The following LUZP2 variants were observed in gnomAD, a reference collection of about 807,000 sequenced individuals.
The protein encoded by LUZP2 is leucine zipper protein 2.
LUZP2 carries 52 observed loss-of-function variants against 51.6 expected under a neutral mutation model. The observed-to-expected ratio is 1.01, with a 90% CI of 0.81 to 1.27. The LOEUF is 1.27. LUZP2 is among the 50% of genes most tolerant of loss of function. LUZP2 has a pLI of 0.00. For missense variants in LUZP2, 436 were observed against 395.4 expected (o/e 1.10, Z -0.87); for synonymous variants, 154 against 137.3 (o/e 1.12, Z -0.85).
intron 9 of LUZP2, among the ~76,000 whole-genome samples, chr11:25,037,979 A>G (rs1169384932): frequency 2.6e-5 from 4 of 152,058 alleles, no homozygotes; most frequent in Middle Eastern, 3.2e-3. Context: ...GAGGTTCTCT[A>G]TATTACTTGG....
intron 5 of LUZP2, among the ~76,000 whole-genome samples, chr11:24,812,953 G>A (rs1850062909): frequency 6.6e-6 from 1 of 152,254 alleles, no homozygotes; most frequent in Non-Finnish European, 1.5e-5. Flanking sequence ...GCCCTGGTTT[G>A]TGGTGCACTT....
At chr11:24,817,557 CAT>C (rs1438153193) in intron 5 of LUZP2, among the ~76,000 whole-genome samples, 6 of 152,000 alleles carry the variant, frequency 3.9e-5, no homozygotes, top group Non-Finnish European at 5.9e-5. Context: ...TCAACGCCCA[CAT>C]ATTTTCCAAA....
At chr11:25,065,555 G>A (rs1858974173) in intron 10 of LUZP2, among the ~76,000 whole-genome samples, 1 of 151,938 alleles carries the variant, frequency 6.6e-6, no homozygotes, top group Non-Finnish European at 1.5e-5. Flanking sequence ...TTTAAACATT[G>A]ACTAAACATA....
rs1440317497 is a variant in LUZP2 at position 24,628,122 on chromosome 11, T to C, written c.63-101047T>C. On this transcript the variant is annotated intron_variant, in intron 1 of 11. Transcript: ENST00000336930. ...GGTTGCATGGCACACTGTTTTAAGA[T>C]GCGTACTTTTAAATTTTGGAACACA... 3.3e-5 allele frequency among the ~76,000 whole-genome samples: 5 copies of C among 152,158 alleles called. No homozygotes were observed. The South Asian group carries it at 1.0e-3, about 32-fold the overall frequency.
intron 1 of LUZP2, among the ~76,000 whole-genome samples, chr11:24,691,495 T>G (rs1440526017): frequency 6.7e-6 from 1 of 149,492 alleles, no homozygotes; most frequent in Non-Finnish European, 1.5e-5. Flanking sequence ...TTTTTCAAAG[T>G]AACCCCTGTA....
chr11:24,588,653 A>G (rs1180992886), intron 1 of LUZP2, among the ~76,000 whole-genome samples: 4 of 148,588 alleles, frequency 2.7e-5, no homozygotes, highest in Non-Finnish European at 4.5e-5. Flanking sequence ...CAAAAAGATT[A>G]TATTTTAAAA....
chr11:24,872,330 G>A (rs2134270203), intron 5 of LUZP2, among the ~76,000 whole-genome samples: 1 of 152,156 alleles, frequency 6.6e-6, no homozygotes, highest in South Asian at 2.1e-4. Context: ...TACTAATTAT[G>A]GGTACTTATA....
intron 1 of LUZP2, among the ~76,000 whole-genome samples, chr11:24,533,563 T>C (rs996431881): frequency 3.2e-4 from 48 of 151,456 alleles, no homozygotes; most frequent in African/African-American, 1.1e-3. Context: ...ATGCTTGGAA[T>C]TGAAAATATT....
At chr11:24,805,973 C>T (rs940873278) in intron 5 of LUZP2, among the ~76,000 whole-genome samples, 1 of 152,114 alleles carries the variant, frequency 6.6e-6, no homozygotes, top group Non-Finnish European at 1.5e-5. Flanking sequence ...AAAAGTGTGT[C>T]TTGGCAGAAA....
intron 1 of LUZP2, among the ~76,000 whole-genome samples, chr11:24,678,075 AG>A (rs71041788): frequency 0.32 from 22,479 of 69,338 alleles, 2,122 homozygotes; most frequent in Middle Eastern, 0.38. Flanking sequence ...GAAAGGAGAA[AG>A]GGGGGGGGGG....
intron 1 of LUZP2, among the ~76,000 whole-genome samples, chr11:24,566,570 C>G (rs11823196): frequency 0.41 from 58,610 of 141,996 alleles, 12,259 homozygotes; most frequent in Middle Eastern, 0.51. Context: ...GTATATATAT[C>G]TATACACATA....
chr11:24,972,023 T>C (rs1380972722), intron 7 of LUZP2, among the ~76,000 whole-genome samples: 2 of 148,456 alleles, frequency 1.3e-5, no homozygotes, highest in Non-Finnish European at 3.0e-5. Flanking sequence ...GCACCTACAA[T>C]GCCAACTACT....
chr11:24,570,015 A>C (rs1206127736), intron 1 of LUZP2, among the ~76,000 whole-genome samples: 2 of 152,046 alleles, frequency 1.3e-5, no homozygotes, highest in African/African-American at 4.8e-5. Flanking sequence ...CATAACTAAA[A>C]TTACCACCCT....
At chr11:24,754,284 A>G (rs780328723) in intron 4 of LUZP2, among the ~76,000 whole-genome samples, 4 of 152,206 alleles carry the variant, frequency 2.6e-5, no homozygotes, top group Non-Finnish European at 5.9e-5. Context: ...GTTGTGAGCC[A>G]TCATGCTCTG....
intron 4 of LUZP2, among the ~76,000 whole-genome samples, chr11:24,741,514 G>T (rs1859140423): frequency 6.6e-6 from 1 of 151,766 alleles, no homozygotes; most frequent in Admixed American, 6.6e-5. Flanking sequence ...GCACCCATCA[G>T]CCAAGCAGTA....
In LUZP2 at chr11:24,781,528, G is replaced by A. The variant is rs538176099; in HGVS notation, c.396+18220G>A. Among the ~76,000 whole-genome samples the A allele has an allele frequency of 4.1e-4, 62 of 151,688 alleles. No individual in the cohort carries two copies. The South Asian group carries it at 7.3e-3, about 18-fold the overall frequency. ...AAGTTGCAGAAGACAACACTAGATG[G>A]AGTAATTTTCTCCATCAGTCATGAA... On this transcript the variant is annotated intron_variant, in intron 5 of 11. Coordinates refer to ENST00000336930, the MANE Select transcript of LUZP2 (RefSeq NM_001009909.4).
intron 5 of LUZP2, among the ~76,000 whole-genome samples, chr11:24,808,909 A>C (rs1564921114): frequency 6.6e-6 from 1 of 152,164 alleles, no homozygotes; most frequent in African/African-American, 2.4e-5. Flanking sequence ...AAATATAAAA[A>C]CCAATAGTTT....
At chr11:24,669,046 C>T (rs1423033021) in intron 1 of LUZP2, among the ~76,000 whole-genome samples, 2 of 152,086 alleles carry the variant, frequency 1.3e-5, no homozygotes, top group Non-Finnish European at 1.5e-5. Context: ...ATCTTACTAA[C>T]CTGCTACTAG....
chr11:24,523,461 T>G (rs182252683), intron 1 of LUZP2, among the ~76,000 whole-genome samples: 73 of 151,262 alleles, frequency 4.8e-4, no homozygotes, highest in African/African-American at 1.7e-3. Context: ...AACTAATCCA[T>G]GCTAATTCAC....
Sources: allele counts gnomAD v4.1 joint callset (sites outside exome capture counted in the v4.1 genomes callset), GRCh38; gene constraint gnomAD v4.1.1; transcripts MANE v1.5; gene names NCBI Gene and HGNC (gene_info 2026-07-23, HGNC 2026-07-21).